CCDC88C: variants seen among roughly 807,000 people sequenced by gnomAD.
CCDC88C encodes the protein coiled-coil and HOOK domain protein 88C.
CCDC88C carries 131 observed loss-of-function variants against 198.8 expected under a neutral mutation model. That is an observed-to-expected ratio of 0.66 (90% CI 0.57 to 0.76). The LOEUF (loss-of-function observed/expected upper bound fraction) is 0.76, where lower values mean the gene tolerates loss of function less well. Ranked by LOEUF, CCDC88C falls within the 30% of genes least tolerant of loss-of-function variation. CCDC88C has a pLI of 0.00. For synonymous variants in CCDC88C, 1,166 were observed against 1,114.7 expected (o/e 1.05, Z -0.92); for missense variants, 2,553 against 2,631.6 (o/e 0.97, Z 0.65).
intron 19 of CCDC88C, among the ~76,000 whole-genome samples, chr14:91,304,568 G>A (rs1036417936): frequency 5.9e-5 from 9 of 152,306 alleles, no homozygotes; most frequent in Middle Eastern, 6.8e-3. Context: ...CAGCCTGGGC[G>A]ACAGAGTGAA....
At chr14:91,382,531 T>C (rs1461936741) in intron 3 of CCDC88C, among the ~76,000 whole-genome samples, 1 of 152,216 alleles carries the variant, frequency 6.6e-6, no homozygotes, top group East Asian at 1.9e-4. Flanking sequence ...CTCAGCGTGT[T>C]TCCCTTTGTT....
At chr14:91,281,288 A>G in intron 27 of CCDC88C, 169 bp downstream of exon 27, 1 of 1,510,110 alleles carries the variant, frequency 6.6e-7, no homozygotes, top group Non-Finnish European at 8.9e-7. Flanking sequence ...GTATGTAAGT[A>G]GAAGCTACAC....
chr14:91,359,851 C>T (rs1894225693), intron 3 of CCDC88C, 140 bp from the exon 4 acceptor site: 1 of 719,476 alleles, frequency 1.4e-6, no homozygotes, highest in Admixed American at 2.1e-5. Flanking sequence ...AAAATGACAG[C>T]AAGGAGCACG....
chr14:91,328,437 T>C (rs1892667428), intron 10 of CCDC88C, among the ~76,000 whole-genome samples: 2 of 152,068 alleles, frequency 1.3e-5, no homozygotes, highest in South Asian at 4.1e-4. Flanking sequence ...CACCTCTGGG[T>C]AGCTGTCCAA....
intron 3 of CCDC88C, among the ~76,000 whole-genome samples, chr14:91,400,496 C>T (rs1399143566): frequency 6.6e-6 from 1 of 152,216 alleles, no homozygotes; most frequent in Non-Finnish European, 1.5e-5. Context: ...GGACAGAGCC[C>T]AGGCCAGAGC....
intron 21 of CCDC88C, among the ~76,000 whole-genome samples, chr14:91,298,551 G>A (rs1891127292): frequency 6.6e-6 from 1 of 151,882 alleles, no homozygotes; most frequent in African/African-American, 2.4e-5. Flanking sequence ...AAAATTTAGT[G>A]GCCAGCATTA....
intron 3 of CCDC88C, among the ~76,000 whole-genome samples, chr14:91,368,177 A>C (rs979064293): frequency 6.6e-6 from 1 of 152,230 alleles, no homozygotes; most frequent in Non-Finnish European, 1.5e-5. Context: ...CCATGTTGAC[A>C]AGGGAACCAA....
chr14:91,343,967 C>T (rs1893412443), intron 4 of CCDC88C, among the ~76,000 whole-genome samples: 1 of 151,962 alleles, frequency 6.6e-6, no homozygotes, highest in South Asian at 2.1e-4. Context: ...ACTACAGACA[C>T]ATACCACCAT....
intron 2 of CCDC88C, among the ~76,000 whole-genome samples, chr14:91,409,621 G>A (rs1467725420): frequency 4.6e-5 from 7 of 151,482 alleles, no homozygotes; most frequent in Non-Finnish European, 8.8e-5. Context: ...CCAAGTAGCT[G>A]GGATTATAGG....
intron 20 of CCDC88C, among the ~76,000 whole-genome samples, chr14:91,301,057 A>T (rs533767326): frequency 6.6e-6 from 1 of 152,336 alleles, no homozygotes; most frequent in South Asian, 2.1e-4. Context: ...ACATTAATCA[A>T]GCATGTCTCT....
chr14:91,293,152 C>CCGCCACAGCTCACCTTCCCATCCTCACG (rs1890750163), intron 23 of CCDC88C, among the ~76,000 whole-genome samples: 1 of 139,866 alleles, frequency 7.1e-6, no homozygotes, highest in Admixed American at 7.2e-5. Context: ...CCATCCTCAC[C>CCGCCACAGCTCACCTTCCCATCCTCACG]TGCCATAGCC....
At position 91,272,895 on chromosome 14, in the gene CCDC88C, G is replaced by A. The variant is rs775013622; in HGVS notation, c.5817C>T (p.Thr1939=). ...FSPAAAPAAR[T]KPKAPPRSGE... is the part of the protein sequence containing the mutation. ...CTGAGCGTGGGGGCGCCTTGGGCTT[G>A]GTCCTGGCAGCCGGGGCTGCAGCAG... is the stretch of plus-strand genomic sequence containing the variant. Residue 1939 remains threonine, a synonymous_variant, in exon 30 of 30, where the codon ACC becomes ACT. Coordinates refer to ENST00000389857, the MANE Select transcript of CCDC88C (RefSeq NM_001080414.4). The A allele has an allele frequency of 4.4e-6, 7 of 1,585,562 alleles. No homozygotes were observed. The highest frequency in any genetic ancestry group is 6.0e-6 in the Non-Finnish European group (7 of 1,169,894).
intron 10 of CCDC88C, among the ~76,000 whole-genome samples, chr14:91,329,050 G>C (rs1892698653): frequency 6.6e-6 from 1 of 152,152 alleles, no homozygotes; most frequent in African/African-American, 2.4e-5. Flanking sequence ...GAGGGTCTGG[G>C]TCAGCTGACT....
intron 3 of CCDC88C, among the ~76,000 whole-genome samples, chr14:91,393,052 G>A (rs1885615555): frequency 6.6e-6 from 1 of 152,180 alleles, no homozygotes; most frequent in Non-Finnish European, 1.5e-5. Context: ...ACCGGAGTCC[G>A]CTCCCGGAAA....
rs774991915 is a variant in CCDC88C at position 91,277,928 on chromosome 14, G to C, written c.5052C>G (p.Pro1684=). 3 of 1,503,660 alleles carry C rather than the reference G, an allele frequency of 2.0e-6. No homozygotes were observed. Among genetic ancestry groups the C allele is most frequent in the South Asian group, 1.3e-5 (1 of 78,024 alleles). 93.1% of individuals were successfully genotyped at this position (1,503,660 alleles called of 1,614,324 possible). ...CCGTGTCCGGATCACTCACATGGGT[G>C]GGGGAGCTGCGGTTGCTCTCCTCCA... is the stretch of plus-strand genomic sequence containing the variant. ...EFLEESNRSS[P]THDTPSCRDD... is the part of the protein sequence containing the mutation. Residue 1684 remains proline, a synonymous_variant, in exon 29 of 30, where the codon CCC becomes CCG. Coordinates refer to ENST00000389857, the MANE Select transcript of CCDC88C (RefSeq NM_001080414.4).
rs7155107 is a variant in CCDC88C, at chr14:91,310,032, C to T, written c.2737-46G>A. On this transcript the variant is annotated intron_variant, in intron 15 of 29. Transcript: ENST00000389857. Reference sequence around the variant, plus strand: ...CACTGGATAGGAGCTCAGCAAAACACGCAGGAAGGCCAGGCGCCAGTCCCG... The same window carrying T: ...CACTGGATAGGAGCTCAGCAAAACATGCAGGAAGGCCAGGCGCCAGTCCCG... 3.2e-3 allele frequency: 4,881 copies of T among 1,518,356 alleles called. 152 individuals carry two copies. The African/African-American group carries it at 0.059, about 18-fold the overall frequency. 94.1% of individuals were successfully genotyped at this position (1,518,356 alleles called of 1,614,324 possible).
At chr14:91,417,140 A>G (rs1215262655) in intron 1 of CCDC88C, 15 of 703,000 alleles carry the variant, frequency 2.1e-5, no homozygotes, top group Non-Finnish European at 3.6e-5. Context: ...TCTCAAATCC[A>G]TTGTAAATCA....
intron 3 of CCDC88C, among the ~76,000 whole-genome samples, chr14:91,398,802 G>A (rs1200825879): frequency 3.9e-5 from 6 of 152,206 alleles, no homozygotes; most frequent in Admixed American, 3.9e-4. Flanking sequence ...GAGAGCTGCA[G>A]CCCTCTTGTC....
At position 91,306,928 on chromosome 14, in the gene CCDC88C, C is replaced by G. The variant is rs1596050440; in HGVS notation, c.3195+110G>C. On this transcript the variant is annotated intron_variant, in intron 18 of 29. Coordinates refer to ENST00000389857, the MANE Select transcript of CCDC88C (RefSeq NM_001080414.4). ...TCAAGACGTGTCCAACTAGATCTGG[C>G]TAAATCTCCTGTGTTCTTTACAGCA... is the stretch of plus-strand genomic sequence containing the variant. 4 of 1,224,092 alleles carry G rather than the reference C, an allele frequency of 3.3e-6. No homozygotes were observed. The East Asian group carries it at 1.0e-4, about 32-fold the overall frequency. 75.8% of individuals were successfully genotyped at this position (1,224,092 alleles called of 1,614,324 possible). A position where few individuals can be genotyped will look rare whatever the true frequency, so the allele number is the denominator to read the frequency against.
Sources: gnomAD v4.1 joint callset for allele counts (sites outside exome capture counted in the v4.1 genomes callset) on GRCh38, gnomAD v4.1.1 for gene constraint, MANE v1.5 for transcripts, NCBI Gene and HGNC (gene_info 2026-07-23, HGNC 2026-07-21) for gene names.